ZNF91: variants seen among roughly 807,000 people sequenced by gnomAD.
The protein encoded by ZNF91 is zinc finger protein 91, also known as zinc finger protein 91 (HPF7, HTF10).
Under a neutral mutation model 12.6 loss-of-function variants are expected in ZNF91, and 7 were observed. The ratio of observed to expected loss-of-function variants is 0.55; its 90% CI spans 0.31 to 1.04. The LOEUF (loss-of-function observed/expected upper bound fraction) is 1.04, where lower values mean the gene tolerates loss of function less well. Ranked by LOEUF, ZNF91 falls within the 50% of genes least tolerant of loss-of-function variation. The probability of loss-of-function intolerance (pLI) is 0.05; values close to 1 mark genes in which losing one functional copy is unlikely to be tolerated. For synonymous variants in ZNF91, 453 were observed against 462.6 expected (o/e 0.98, Z 0.27); for missense variants, 1,217 against 1,385.4 (o/e 0.88, Z 1.93).
At chr19:23,316,468 G>A (rs556180767) in intron 1 of ZNF91, among the ~76,000 whole-genome samples, 1 of 152,272 alleles carries the variant, frequency 6.6e-6, no homozygotes, top group East Asian at 1.9e-4. Context: ...AGGTGACTCT[G>A]CAGCCTGCAC....
chr19:23,335,253 G>C (rs1967984543), downstream of ZNF91, among the ~76,000 whole-genome samples: 1 of 152,252 alleles, frequency 6.6e-6, no homozygotes, highest in Non-Finnish European at 1.5e-5. Flanking sequence ...TTGTCTCCCA[G>C]TTAGGCTACT....
At chr19:23,311,844 G>A (rs929593106), upstream of ZNF91, among the ~76,000 whole-genome samples, 7 of 150,630 alleles carry the variant, frequency 4.6e-5, no homozygotes, top group African/African-American at 1.5e-4. Flanking sequence ...GGTTATTATG[G>A]TGTGTCTTTT....
chr19:23,336,224 T>C (rs931105972), downstream of ZNF91, among the ~76,000 whole-genome samples: 7 of 152,164 alleles, frequency 4.6e-5, no homozygotes, highest in East Asian at 1.3e-3. Flanking sequence ...ACCAAGGAAA[T>C]CGAGTACATG....
rs566852513 is a variant in ZNF91, at chr19:23,319,411, A to C, written n.117-10314T>G. Among the ~76,000 whole-genome samples the C allele has an allele frequency of 2.3e-4, 35 of 152,310 alleles. No homozygotes were observed. The East Asian group carries it at 4.6e-3, about 20-fold the overall frequency. On this transcript the variant is annotated intron_variant and non_coding_transcript_variant, in intron 1 of 1. Coordinates refer to the ZNF91 transcript ENST00000596528. ...TATTTTTCTGCCTGGGCTCTGCTAA[A>C]GAGGGTTATTATAACATATCTTTTG... is the stretch of plus-strand genomic sequence containing the variant.
chr19:23,371,125 G>A (rs1176224203), intron 3 of ZNF91, among the ~76,000 whole-genome samples: 4 of 152,116 alleles, frequency 2.6e-5, no homozygotes, highest in Non-Finnish European at 4.4e-5. Context: ...CAGATCACCT[G>A]AGGTCAGGAG....
intron 3 of ZNF91, among the ~76,000 whole-genome samples, chr19:23,366,651 A>C (rs1045025927): frequency 5.3e-5 from 8 of 152,230 alleles, no homozygotes; most frequent in Non-Finnish European, 8.8e-5. Context: ...TACACACCAC[A>C]AGATAACAGA....
intron 3 of ZNF91, among the ~76,000 whole-genome samples, chr19:23,370,001 TAAAA>T (rs60615373): frequency 7.4e-5 from 8 of 107,920 alleles, no homozygotes; most frequent in African/African-American, 2.6e-4. Flanking sequence ...GAATGATCAA[TAAAA>T]AAAAAAAAAA....
At chr19:23,376,983 G>A (rs1969525554) in intron 1 of ZNF91, among the ~76,000 whole-genome samples, 1 of 152,054 alleles carries the variant, frequency 6.6e-6, no homozygotes, top group Admixed American at 6.6e-5. Context: ...AAAGGCAGAA[G>A]GCCCAAGACA....
intron 1 of ZNF91, 32 bp from the exon 2 acceptor site, chr19:23,374,796 A>G: frequency 6.2e-7 from 1 of 1,601,064 alleles, no homozygotes; most frequent in Middle Eastern, 1.7e-4. Flanking sequence ...ACATATTTAC[A>G]AAGTGGCTAT....
At chr19:23,336,508 T>G (rs1269037129), downstream of ZNF91, among the ~76,000 whole-genome samples, 2 of 152,204 alleles carry the variant, frequency 1.3e-5, no homozygotes, top group African/African-American at 4.8e-5. Flanking sequence ...TGTTCGTTAC[T>G]CTACACGTGG....
rs149583442 is a variant in ZNF91 at position 23,347,113 on chromosome 19, A to ACC, written c.254-8061_254-8060dup. Among the ~76,000 whole-genome samples, 3 of 149,328 alleles carry ACC rather than the reference A, an allele frequency of 2.0e-5. No individual in the cohort carries two copies. The East Asian group carries it at 6.0e-4, about 30-fold the overall frequency. On this transcript the variant is annotated intron_variant, in intron 3 of 3. Transcript: ENST00000599743. ...GGCATGCTGGCTATGCTATAGTGTCACCCCCCCTACACACTGTTCAAGCCA... is the reference window on the plus strand; with the variant it reads ...GGCATGCTGGCTATGCTATAGTGTCACCCCCCCCCTACACACTGTTCAAGCCA...
At chr19:23,318,965 C>T (rs1967627176) in intron 1 of ZNF91, among the ~76,000 whole-genome samples, 1 of 152,186 alleles carries the variant, frequency 6.6e-6, no homozygotes, top group African/African-American at 2.4e-5. Flanking sequence ...GTAATTTTGA[C>T]ATAGGGCTGG....
At chr19:23,340,267 C>A (rs1269307507) in intron 3 of ZNF91, 1 of 151,886 alleles carries the variant, frequency 6.6e-6, no homozygotes, top group East Asian at 1.9e-4. Context: ...TTCAAAAAGA[C>A]AAAATTGGTA....
chr19:23,312,705 C>G (rs186826056), upstream of ZNF91, among the ~76,000 whole-genome samples: 32 of 152,280 alleles, frequency 2.1e-4, no homozygotes, highest in African/African-American at 7.0e-4. Flanking sequence ...GAGATGTTGA[C>G]TCTCATACTT....
intron 3 of ZNF91, among the ~76,000 whole-genome samples, chr19:23,369,043 G>A (rs1196813801): frequency 3.3e-5 from 5 of 152,024 alleles, no homozygotes. Flanking sequence ...TGGGCACAGT[G>A]GTTCACACCT....
At chr19:23,350,833 C>T (rs1374215547) in intron 3 of ZNF91, among the ~76,000 whole-genome samples, 3 of 152,068 alleles carry the variant, frequency 2.0e-5, no homozygotes, top group Non-Finnish European at 2.9e-5. Flanking sequence ...TTCCTTTTTA[C>T]AGAGGACTAT....
downstream of ZNF91, chr19:23,338,227 A>G (rs1405201880): frequency 6.6e-6 from 1 of 152,184 alleles, no homozygotes; most frequent in African/African-American, 2.4e-5. Flanking sequence ...CAGAATATCT[A>G]AAGTCAAAGT....
chr19:23,329,643 G>GT (rs1246091706), intron 1 of ZNF91, among the ~76,000 whole-genome samples: 1 of 152,178 alleles, frequency 6.6e-6, no homozygotes, highest in East Asian at 1.9e-4. Context: ...TTTCCACAGA[G>GT]TATTTGTCTA....
chr19:23,348,991 A>C (rs894764209), intron 3 of ZNF91, among the ~76,000 whole-genome samples: 1 of 152,152 alleles, frequency 6.6e-6, no homozygotes, highest in Non-Finnish European at 1.5e-5. Flanking sequence ...CAGTGTCTTC[A>C]GGCTTGCTAG....
Sources: gnomAD v4.1 joint callset for allele counts (sites outside exome capture counted in the v4.1 genomes callset) on GRCh38, gnomAD v4.1.1 for gene constraint, MANE v1.5 for transcripts, NCBI Gene and HGNC (gene_info 2026-07-23, HGNC 2026-07-21) for gene names.